POGZ: variants seen among roughly 807,000 people sequenced by gnomAD.
POGZ encodes pogo transposable element derived with ZNF domain, also known as pogo transposable element with ZNF domain.
In POGZ, 17 loss-of-function variants were observed where a neutral mutation model predicts 134.6. That is an observed-to-expected ratio of 0.13 (90% confidence interval 0.09 to 0.19). POGZ has a LOEUF of 0.19. POGZ is among the 10% of genes least tolerant of loss of function. The pLI is 1.00. For missense variants in POGZ, 1,306 were observed against 1,769.7 expected, an observed-to-expected ratio of 0.74 and a Z score of 4.70; for synonymous variants, 693 against 657.1, an observed-to-expected ratio of 1.05 and a Z score of -0.84.
intron 4 of POGZ, among the ~76,000 whole-genome samples, chr1:151,430,142 T>C (rs1020225984): frequency 6.6e-6 from 1 of 152,076 alleles, no homozygotes; most frequent in Non-Finnish European, 1.5e-5. Context: ...TTTGGCAAAT[T>C]CATAAGAATT....
Position 151,430,775 on chromosome 1 carries a change from A to G in POGZ, c.350T>C (p.Leu117Pro). 6.2e-7 allele frequency: 1 copy of G among 1,600,576 alleles called. No individual in the cohort carries two copies. The highest frequency in any genetic ancestry group is 8.5e-7 in the Non-Finnish European group (1 of 1,174,652). ...LILTQNPAPG[L>P]GTMVTQPVLR... ...TACTGGTTGAGTAACCATTGTGCCC[A>G]GACCTGGGGCTGGATTCTGGGTCAG... The change falls in exon 4 of 19, where the codon CTG becomes CCG. Residue 117 changes from leucine (L) to proline (P), a missense_variant. Leu to Pro is a moderately conservative substitution (Grantham distance 98). Around this residue, in one of 10 missense-constraint regions of POGZ, gnomAD observed 541 missense variants for 680.5 expected, o/e 0.80. Transcript: ENST00000271715.
intron 11 of POGZ, 119 bp downstream of exon 11, chr1:151,412,177 C>T (rs1157559757): frequency 8.3e-6 from 5 of 603,620 alleles, no homozygotes; most frequent in Non-Finnish European, 1.5e-5. Flanking sequence ...TCTTCTGTAC[C>T]TACTCAGAGT....
At chr1:151,420,290 A>C (rs1656667183) in intron 10 of POGZ, among the ~76,000 whole-genome samples, 1 of 152,128 alleles carries the variant, frequency 6.6e-6, no homozygotes, top group African/African-American at 2.4e-5. Context: ...CAAGCTGGCT[A>C]CCCTGGCACT....
At chr1:151,430,932 T>TA (rs1658589186) in intron 3 of POGZ, 91 bp from the exon 4 acceptor site, 1 of 676,056 alleles carries the variant, frequency 1.5e-6, no homozygotes, top group East Asian at 5.0e-5. Flanking sequence ...TATTTTATTT[T>TA]ATTTTATTTT....
intron 1 of POGZ, among the ~76,000 whole-genome samples, chr1:151,444,577 C>G (rs1175089366): frequency 2.0e-5 from 3 of 152,138 alleles, no homozygotes; most frequent in Admixed American, 1.3e-4. Flanking sequence ...TGACCACTTA[C>G]AAGCAAACTC....
intron 15 of POGZ, 150 bp from the exon 16 acceptor site, chr1:151,407,441 T>TA (rs1653843071): frequency 1.7e-6 from 1 of 603,694 alleles, no homozygotes; most frequent in East Asian, 2.8e-5. Flanking sequence ...CCATGCTTCT[T>TA]AAACTTTAAT....
chr1:151,445,522 CAA>C (rs201269208), intron 1 of POGZ, among the ~76,000 whole-genome samples: 11 of 52,852 alleles, frequency 2.1e-4, no homozygotes, highest in Non-Finnish European at 2.5e-4. Context: ...GACTCTGTCT[CAA>C]AAAAAAAAAA....
intron 1 of POGZ, among the ~76,000 whole-genome samples, chr1:151,446,249 A>C (rs1661245546): frequency 8.9e-6 from 1 of 112,548 alleles, no homozygotes; most frequent in Non-Finnish European, 1.9e-5. Flanking sequence ...AATCTTTCTC[A>C]TAAGGAAAAA....
At position 151,404,556 on chromosome 1, in the gene POGZ, C is replaced by A. The variant is rs1653231397; in HGVS notation, c.*246G>T. The A allele has an allele frequency of 8.5e-7, 1 of 1,174,606 alleles. No individual in the cohort carries two copies. The highest frequency in any genetic ancestry group is 1.1e-6 in the Non-Finnish European group (1 of 952,070). The allele number at this position is 1,174,606 out of a possible 1,614,324, so 72.8% of individuals were successfully genotyped here. The stretch of plus-strand genomic sequence containing the variant: ...TTAAAAAAAAAAAAAGTCACAAAAA[C>A]CTGTTTTTAGCAGAAGTGAATGACC... On this transcript the variant is annotated 3_prime_UTR_variant, in exon 19 of 19. Transcript: ENST00000271715.
chr1:151,420,246 C>T (rs1454405227), intron 10 of POGZ, among the ~76,000 whole-genome samples: 1 of 152,196 alleles, frequency 6.6e-6, no homozygotes, highest in Admixed American at 6.5e-5. Flanking sequence ...CTTCACATTA[C>T]TGACAGTGAA....
rs1181189105 is a variant in POGZ at position 151,403,230 on chromosome 1, TGGGGTG to T, written c.*1566_*1571del. ...AAAACAAACAAACAAAAAAGCAGGG[TGGGGTG>T]GGAGAAATGGGTGGTAACAAATGTC... On this transcript the variant is annotated 3_prime_UTR_variant, in exon 19 of 19. Coordinates refer to ENST00000271715, the MANE Select transcript of POGZ (RefSeq NM_015100.4). 4 of 985,420 alleles carry T rather than the reference TGGGGTG, an allele frequency of 4.1e-6. No homozygotes were observed. In the East Asian group the frequency reaches 4.5e-4, roughly 112 times the overall value. The allele number at this position is 985,420 out of a possible 1,614,324, so 61.0% of individuals were successfully genotyped here. A position where few individuals can be genotyped will look rare whatever the true frequency, so the allele number is the denominator to read the frequency against.
chr1:151,457,207 G>T (rs1377611880), intron 1 of POGZ, among the ~76,000 whole-genome samples: 1 of 152,142 alleles, frequency 6.6e-6, no homozygotes, highest in African/African-American at 2.4e-5. Context: ...AGTCCATTCT[G>T]TTACCTCCTT....
chr1:151,458,948 A>C (rs535216916), intron 1 of POGZ, among the ~76,000 whole-genome samples: 9 of 136,674 alleles, frequency 6.6e-5, no homozygotes, highest in Non-Finnish European at 1.4e-4. Context: ...CGCGCGCCGC[A>C]CCCCGCGGCC....
intron 3 of POGZ, among the ~76,000 whole-genome samples, chr1:151,431,620 C>T (rs1489892088): frequency 1.3e-5 from 2 of 152,188 alleles, no homozygotes; most frequent in South Asian, 4.1e-4. Flanking sequence ...ATCAGAAGAC[C>T]TGGACAAAAA....
chr1:151,427,675 TCTC>T (rs935040102), intron 7 of POGZ, 145 bp downstream of exon 7: 3 of 616,188 alleles, frequency 4.9e-6, no homozygotes, highest in Non-Finnish European at 8.5e-6. Context: ...TAAGTGGCTT[TCTC>T]CTTACTAAAG....
In POGZ at chr1:151,424,119, T is replaced by G; in HGVS notation, c.1353A>C (p.Pro451=). 2 of 1,614,192 alleles carry G rather than the reference T, an allele frequency of 1.2e-6. No individual in the cohort carries two copies. Among genetic ancestry groups the G allele is most frequent in the Non-Finnish European group, 1.7e-6 (2 of 1,180,032 alleles). ...IPALSPPTKV[P]EPNENVGDAV... Reference sequence around the variant, plus strand: ...CATCGCCCACGTTCTCATTTGGTTCTGGTACTTTGGTAGGCGGTGACAGAG... The same window carrying G: ...CATCGCCCACGTTCTCATTTGGTTCGGGTACTTTGGTAGGCGGTGACAGAG... Residue 451 remains proline, a synonymous_variant, in exon 9 of 19, where the codon CCA becomes CCC. Transcript: ENST00000271715.
At chr1:151,437,195 A>G (rs1263420635) in intron 3 of POGZ, among the ~76,000 whole-genome samples, 2 of 143,368 alleles carry the variant, frequency 1.4e-5, no homozygotes, top group African/African-American at 2.6e-5. Flanking sequence ...TGGAGTGCAG[A>G]CTCCGTCTCA....
Position 151,404,532 on chromosome 1 carries a change from T to TTA in POGZ, c.*269_*270insTA. ...AATACCAAACACAGTGATTTAAATTTAAAAAAAAAAAAAGTCACAAAAACC... is the reference window on the plus strand; with the variant it reads ...AATACCAAACACAGTGATTTAAATTTTAAAAAAAAAAAAAAGTCACAAAAACC... On this transcript the variant is annotated 3_prime_UTR_variant, in exon 19 of 19. Coordinates refer to ENST00000271715, the MANE Select transcript of POGZ (RefSeq NM_015100.4). 1.2e-6 allele frequency: 1 copy of TTA among 857,878 alleles called. No individual in the cohort carries two copies. The highest frequency in any genetic ancestry group is 1.4e-6 in the Non-Finnish European group (1 of 689,928). The allele number at this position is 857,878 out of a possible 1,614,324, so 53.1% of individuals were successfully genotyped here.
At chr1:151,415,016 A>G (rs900884356) in intron 10 of POGZ, among the ~76,000 whole-genome samples, 4 of 152,054 alleles carry the variant, frequency 2.6e-5, no homozygotes, top group African/African-American at 9.7e-5. Flanking sequence ...ACAATCTCCT[A>G]CTTTGAGGAA....
Sources: gnomAD v4.1 joint callset for allele counts (sites outside exome capture counted in the v4.1 genomes callset) on GRCh38, gnomAD v4.1.1 for gene constraint, gnomAD v4.1.1 regional missense constraint, MANE v1.5 for transcripts, NCBI Gene and HGNC (gene_info 2026-07-23, HGNC 2026-07-21) for gene names.